PRR16: variants seen among roughly 807,000 people sequenced by gnomAD.
PRR16 encodes the protein proline rich 16.
In PRR16, 6 loss-of-function variants were observed where a neutral mutation model predicts 18.2. The observed-to-expected ratio is 0.33, with a 90% CI of 0.18 to 0.65. The LOEUF is 0.65. PRR16 is among the 30% of genes least tolerant of loss of function. The pLI is 0.74. For missense variants in PRR16, 412 were observed against 376.6 expected (o/e 1.09, Z -0.78); for synonymous variants, 151 against 147.8 (o/e 1.02, Z -0.16).
intron 1 of PRR16, among the ~76,000 whole-genome samples, chr5:120,544,234 C>T (rs1273208843): frequency 6.6e-6 from 1 of 152,108 alleles, no homozygotes; most frequent in African/African-American, 2.4e-5. Flanking sequence ...GACTGTAGCC[C>T]AGAGGAATGC....
the PRR16 span, chr5:120,790,662 G>T: frequency 6.6e-6 from 1 of 152,128 alleles, no homozygotes; most frequent in African/African-American, 2.4e-5. Flanking sequence ...AGGGAAGTCA[G>T]TTCTTACTGA....
chr5:120,667,863 C>T (rs1310958328), intron 1 of PRR16, among the ~76,000 whole-genome samples: 2 of 152,094 alleles, frequency 1.3e-5, no homozygotes, highest in Non-Finnish European at 1.5e-5. Flanking sequence ...CTGAGGAGAG[C>T]TTTACTTCCA....
chr5:120,484,960 A>G (rs559761726), intron 1 of PRR16, among the ~76,000 whole-genome samples: 1 of 151,692 alleles, frequency 6.6e-6, no homozygotes, highest in Non-Finnish European at 1.5e-5. Flanking sequence ...CATTGTATAT[A>G]TTTTTGTCAA....
At position 120,529,172 on chromosome 5, in the gene PRR16, A is replaced by G. The variant is rs552028549; in HGVS notation, c.159+64527A>G. On this transcript the variant is annotated intron_variant, in intron 1 of 1. Transcript: ENST00000407149. ...CTATATTTGCTTTTCTCTTTATAGC[A>G]TTAATTGAGAACCCACTAAATACCA... is the stretch of plus-strand genomic sequence containing the variant. Among the ~76,000 whole-genome samples, 178 of 152,276 alleles carry G rather than the reference A, an allele frequency of 1.2e-3. 1 individual carries two copies. The highest frequency in any genetic ancestry group is 3.8e-3 in the African/African-American group (160 of 41,574).
chr5:120,763,291 A>G, the PRR16 span, among the ~76,000 whole-genome samples: 1 of 151,948 alleles, frequency 6.6e-6, no homozygotes, highest in South Asian at 2.1e-4. Context: ...TTACAGGTGC[A>G]TAATCCACCA....
At chr5:120,485,467 A>C (rs1319111000) in intron 1 of PRR16, among the ~76,000 whole-genome samples, 1 of 152,232 alleles carries the variant, frequency 6.6e-6, no homozygotes, top group Non-Finnish European at 1.5e-5. Context: ...GCAGACATTG[A>C]CGTGATTATC....
intron 1 of PRR16, among the ~76,000 whole-genome samples, chr5:120,601,100 T>G (rs1753967580): frequency 6.6e-6 from 1 of 152,022 alleles, no homozygotes; most frequent in African/African-American, 2.4e-5. Context: ...ATAATGGGAT[T>G]GCTGGGTCAA....
the PRR16 span, among the ~76,000 whole-genome samples, chr5:120,700,733 G>A: frequency 1.3e-5 from 2 of 152,286 alleles, no homozygotes; most frequent in South Asian, 4.1e-4. Context: ...GTAATGTGGA[G>A]TGGGTAGCCT....
the PRR16 span, among the ~76,000 whole-genome samples, chr5:120,759,150 G>T: frequency 1.9e-4 from 29 of 151,552 alleles, no homozygotes; most frequent in Non-Finnish European, 8.8e-5. Flanking sequence ...CTAATTTTTT[G>T]TATTTTTAGT....
Position 120,659,435 on chromosome 5 carries a change from A to G in PRR16, c.160-26519A>G, listed in dbSNP as rs1561599527. On this transcript the variant is annotated intron_variant, in intron 1 of 1. Coordinates refer to ENST00000407149, the MANE Select transcript of PRR16 (RefSeq NM_001300783.2). ...CAGAATGTATAGACCTACCCACTGA[A>G]TATGTTTTCATTGATATATAATACT... Among the ~76,000 whole-genome samples, 7 of 152,094 alleles carry G rather than the reference A, an allele frequency of 4.6e-5. No homozygotes were observed. In the South Asian group the frequency reaches 1.4e-3, roughly 31 times the overall value.
intron 1 of PRR16, among the ~76,000 whole-genome samples, chr5:120,664,696 G>T (rs1168456947): frequency 3.3e-5 from 5 of 151,858 alleles, no homozygotes; most frequent in Non-Finnish European, 7.4e-5. Context: ...CTATGAGTGA[G>T]AACATGCAGT....
At chr5:120,502,842 G>A (rs572776526) in intron 1 of PRR16, among the ~76,000 whole-genome samples, 44 of 152,008 alleles carry the variant, frequency 2.9e-4, no homozygotes, top group Non-Finnish European at 5.9e-5. Flanking sequence ...ATGCTGTTGC[G>A]TCCCAAAAAA....
At chr5:120,732,387 C>G in the PRR16 span, among the ~76,000 whole-genome samples, 1 of 151,922 alleles carries the variant, frequency 6.6e-6, no homozygotes, top group Non-Finnish European at 1.5e-5. Context: ...GATGCTGGTG[C>G]GGCTATATAA....
intron 1 of PRR16, among the ~76,000 whole-genome samples, chr5:120,528,932 A>G (rs1418876502): frequency 5.9e-5 from 9 of 152,180 alleles, no homozygotes; most frequent in Admixed American, 5.9e-4. Flanking sequence ...AAAAGAGGCA[A>G]TGTTTGGCTT....
At chr5:120,604,472 G>C (rs1191420918) in intron 1 of PRR16, among the ~76,000 whole-genome samples, 1 of 152,112 alleles carries the variant, frequency 6.6e-6, no homozygotes. Context: ...ATTGAAGACA[G>C]CATACAGTTG....
At chr5:120,584,161 A>G (rs1753363903) in intron 1 of PRR16, among the ~76,000 whole-genome samples, 1 of 152,184 alleles carries the variant, frequency 6.6e-6, no homozygotes, top group Non-Finnish European at 1.5e-5. Flanking sequence ...ATATTACAGG[A>G]CTATGTGGGA....
chr5:120,583,928 T>G (rs1580752271), intron 1 of PRR16, among the ~76,000 whole-genome samples: 1 of 152,164 alleles, frequency 6.6e-6, no homozygotes, highest in East Asian at 1.9e-4. Context: ...TTTATTTAAT[T>G]TAACACTTAC....
chr5:120,572,729 G>A (rs1752947466), intron 1 of PRR16, among the ~76,000 whole-genome samples: 1 of 152,060 alleles, frequency 6.6e-6, no homozygotes, highest in Admixed American at 6.6e-5. Context: ...ATTCAAGAAG[G>A]AGCTAATGAA....
At chr5:120,723,053 T>C in the PRR16 span, among the ~76,000 whole-genome samples, 1 of 151,854 alleles carries the variant, frequency 6.6e-6, no homozygotes, top group African/African-American at 2.4e-5. Context: ...AGTAAAAAAT[T>C]GGATACAATT....
Sources: allele counts gnomAD v4.1 joint callset (sites outside exome capture counted in the v4.1 genomes callset), GRCh38; gene constraint gnomAD v4.1.1; transcripts MANE v1.5; gene names NCBI Gene and HGNC (gene_info 2026-07-23, HGNC 2026-07-21).